ANKS1B: variants seen among roughly 807,000 people sequenced by gnomAD.
ANKS1B encodes ankyrin repeat and sterile alpha motif domain-containing protein 1B.
ANKS1B carries 36 observed loss-of-function variants against 148.3 expected under a neutral mutation model. That is an observed-to-expected ratio of 0.24 (90% CI 0.19 to 0.32). ANKS1B has a LOEUF of 0.32. ANKS1B is among the 10% of genes least tolerant of loss of function. The pLI is 1.00. For missense variants in ANKS1B, 1,157 were observed against 1,542.6 expected, an observed-to-expected ratio of 0.75 and a Z score of 4.19; for synonymous variants, 542 against 560.8, an observed-to-expected ratio of 0.97 and a Z score of 0.47.
At chr12:98,935,333 A>G (rs1296579777) in intron 17 of ANKS1B, among the ~76,000 whole-genome samples, 1 of 152,180 alleles carries the variant, frequency 6.6e-6, no homozygotes, top group Non-Finnish European at 1.5e-5. Flanking sequence ...CCACTTGGTT[A>G]TGGTGTATGA....
chr12:98,954,249 AT>A (rs1422878727), intron 17 of ANKS1B: 3 of 152,128 alleles, frequency 2.0e-5, no homozygotes, highest in Non-Finnish European at 4.4e-5. Flanking sequence ...AACCTGTTTT[AT>A]TTTTCTTTAG....
At chr12:99,539,077 G>A (rs933404670) in intron 9 of ANKS1B, among the ~76,000 whole-genome samples, 2 of 152,016 alleles carry the variant, frequency 1.3e-5, no homozygotes, top group African/African-American at 4.8e-5. Flanking sequence ...GCATCCCAGG[G>A]ATAAATTTCA....
intron 22 of ANKS1B, among the ~76,000 whole-genome samples, chr12:98,783,175 C>A (rs1161326399): frequency 6.6e-6 from 1 of 152,222 alleles, no homozygotes; most frequent in African/African-American, 2.4e-5. Context: ...AGATGAAAAT[C>A]TATTCGTTAT....
At chr12:99,064,746 G>A (rs1259481329) in intron 16 of ANKS1B, among the ~76,000 whole-genome samples, 1 of 152,182 alleles carries the variant, frequency 6.6e-6, no homozygotes, top group Non-Finnish European at 1.5e-5. Context: ...GGATGCAGAT[G>A]AAAAGACCAG....
chr12:99,536,203 A>G (rs904799485), intron 9 of ANKS1B, among the ~76,000 whole-genome samples: 2 of 152,132 alleles, frequency 1.3e-5, no homozygotes, highest in Middle Eastern at 3.2e-3. Flanking sequence ...TCAAGAATGA[A>G]CCCTAATGCA....
At chr12:98,791,844 G>C (rs1387108399) in intron 22 of ANKS1B, among the ~76,000 whole-genome samples, 1 of 152,216 alleles carries the variant, frequency 6.6e-6, no homozygotes. Flanking sequence ...TTTGTATGAG[G>C]ACAGAGGAAC....
At chr12:99,330,782 A>C (rs1234190114) in intron 12 of ANKS1B, among the ~76,000 whole-genome samples, 1 of 151,990 alleles carries the variant, frequency 6.6e-6, no homozygotes, top group Non-Finnish European at 1.5e-5. Context: ...AAATCAGTGG[A>C]AGCTCTAAAC....
intron 14 of ANKS1B, among the ~76,000 whole-genome samples, chr12:99,216,155 C>G (rs1047507201): frequency 8.5e-5 from 13 of 152,178 alleles, no homozygotes; most frequent in African/African-American, 3.1e-4. Context: ...GTAAGATGTG[C>G]CTTTGCACTT....
intron 12 of ANKS1B, among the ~76,000 whole-genome samples, chr12:99,274,469 C>T (rs1602305769): frequency 6.6e-6 from 1 of 152,166 alleles, no homozygotes; most frequent in Admixed American, 6.5e-5. Flanking sequence ...AATTGCCAGA[C>T]ATTCTGCCAC....
At chr12:98,937,298 T>C (rs1440091834) in intron 17 of ANKS1B, among the ~76,000 whole-genome samples, 1 of 152,160 alleles carries the variant, frequency 6.6e-6, no homozygotes. Flanking sequence ...ATTGGAGATA[T>C]GTGCTTTTTT....
At chr12:98,777,394 A>C (rs1209303826) in intron 24 of ANKS1B, among the ~76,000 whole-genome samples, 1 of 152,194 alleles carries the variant, frequency 6.6e-6, no homozygotes, top group Non-Finnish European at 1.5e-5. Flanking sequence ...ATTTAGCCAG[A>C]TGGGAAGGCT....
rs533695407 is a variant in ANKS1B at position 98,914,207 on chromosome 12, A to ACT, written c.2779-82073_2779-82072dup. 5.7e-3 allele frequency among the ~76,000 whole-genome samples: 854 copies of ACT among 150,740 alleles called. 9 individuals carry two copies. Among genetic ancestry groups the ACT allele is most frequent in the African/African-American group, 0.019 (778 of 40,986 alleles). ...TTGATTAAAAGTATGGTACCTCCCCACTCTCTCTTGATCCTATTACTATGT... is the reference window on the plus strand; with the variant it reads ...TTGATTAAAAGTATGGTACCTCCCCACTCTCTCTCTTGATCCTATTACTATGT... On this transcript the variant is annotated intron_variant, in intron 17 of 26. Transcript: ENST00000683438.
intron 16 of ANKS1B, among the ~76,000 whole-genome samples, chr12:99,056,684 G>T (rs1356588759): frequency 6.6e-6 from 1 of 152,174 alleles, no homozygotes; most frequent in Non-Finnish European, 1.5e-5. Context: ...CTAGACACGT[G>T]TATGTCTAAA....
intron 12 of ANKS1B, among the ~76,000 whole-genome samples, chr12:99,365,244 GC>G (rs1478889291): frequency 2.0e-5 from 3 of 152,150 alleles, no homozygotes; most frequent in African/African-American, 7.2e-5. Context: ...TAACACAGAG[GC>G]CCAAAGCTCA....
chr12:99,733,396 G>A (rs1165943350), intron 8 of ANKS1B, among the ~76,000 whole-genome samples: 1 of 152,168 alleles, frequency 6.6e-6, no homozygotes, highest in African/African-American at 2.4e-5. Context: ...TTATGAGTGA[G>A]AAAATTAAAA....
intron 17 of ANKS1B, among the ~76,000 whole-genome samples, chr12:99,050,690 CTT>C (rs62812561): frequency 3.5e-5 from 4 of 113,580 alleles, no homozygotes; most frequent in Admixed American, 1.0e-4. Context: ...TTTTCTTTTT[CTT>C]TTTTTTTTTT....
At chr12:99,893,041 A>G (rs1010602620) in intron 1 of ANKS1B, among the ~76,000 whole-genome samples, 7 of 152,118 alleles carry the variant, frequency 4.6e-5, no homozygotes, top group Non-Finnish European at 1.0e-4. Context: ...CACTAGCTTT[A>G]CAGAGCCCAA....
chr12:99,591,130 C>T lies in ANKS1B; in HGVS notation c.1272+63937G>A, dbSNP rs2097699001. 2.6e-5 allele frequency among the ~76,000 whole-genome samples: 4 copies of T among 151,630 alleles called. No homozygotes were observed. In the South Asian group the frequency reaches 6.2e-4, roughly 24 times the overall value. On this transcript the variant is annotated intron_variant, in intron 9 of 26. Coordinates refer to ENST00000683438, the MANE Select transcript of ANKS1B (RefSeq NM_001352186.2). ...TATTTTAAAGTTAAATAATTATAGT[C>T]GAGAATACTGATCTTATTATCTGGT...
intron 9 of ANKS1B, among the ~76,000 whole-genome samples, chr12:99,560,891 G>C (rs2097329265): frequency 7.6e-6 from 1 of 131,786 alleles, no homozygotes; most frequent in African/African-American, 2.9e-5. Flanking sequence ...CTCTCCTTCA[G>C]GCTGTAGTAC....
Sources: allele counts gnomAD v4.1 joint callset (sites outside exome capture counted in the v4.1 genomes callset), GRCh38; gene constraint gnomAD v4.1.1; transcripts MANE v1.5; gene names NCBI Gene and HGNC (gene_info 2026-07-23, HGNC 2026-07-21).